Variants in RARA observed in about 807,000 individuals in gnomAD.
RARA encodes the protein retinoic acid receptor alpha.
In RARA, 5 loss-of-function variants were observed where a neutral mutation model predicts 42.8. The ratio of observed to expected loss-of-function variants is 0.12; its 90% confidence interval spans 0.06 to 0.25. RARA has a LOEUF of 0.25. Ranked by LOEUF, RARA falls within the 10% of genes least tolerant of loss-of-function variation. The pLI, the probability that RARA is intolerant of heterozygous loss-of-function variation, is 1.00. For missense variants in RARA, 402 were observed against 628.7 expected (o/e 0.64, Z 3.86); for synonymous variants, 256 against 259.5 (o/e 0.99, Z 0.13).
intron 1 of RARA, chr17:40,318,568 A>T (rs1035516815): frequency 8.6e-5 from 13 of 151,678 alleles, no homozygotes; most frequent in Admixed American, 8.5e-4. Context: ...TCCGACGGGA[A>T]CCCGGGGTTT....
At chr17:40,335,369 G>C (rs2033814301) in intron 2 of RARA, among the ~76,000 whole-genome samples, 1 of 152,188 alleles carries the variant, frequency 6.6e-6, no homozygotes, top group Admixed American at 6.5e-5. Context: ...GGGGGCTGTG[G>C]AGTAGGCATT....
intron 1 of RARA, among the ~76,000 whole-genome samples, chr17:40,312,691 G>A (rs765386158): frequency 1.3e-5 from 2 of 152,188 alleles, no homozygotes; most frequent in African/African-American, 4.8e-5. Flanking sequence ...GGCCGGGCTG[G>A]ACTGGGTGGA....
Position 40,355,143 on chromosome 17 carries a change from T to G in RARA, c.1013-120T>G. ...AGCAGAGACCCCATGCCCTGCCCTGTGTGGGGAGGCGCCTGCGAGCTGCCC... is the reference window on the plus strand; with the variant it reads ...AGCAGAGACCCCATGCCCTGCCCTGGGTGGGGAGGCGCCTGCGAGCTGCCC... On this transcript the variant is annotated intron_variant, in intron 7 of 8. Coordinates refer to ENST00000254066, the MANE Select transcript of RARA (RefSeq NM_000964.4). The surrounding 1 kb of genome is among the most constrained non-coding windows in gnomAD (Gnocchi z 4.1). The G allele has an allele frequency of 2.4e-6, 3 of 1,250,610 alleles. No homozygotes were observed. The highest frequency in any genetic ancestry group is 1.5e-5 in the South Asian group (1 of 65,628). 77.5% of individuals were successfully genotyped at this position (1,250,610 alleles called of 1,614,324 possible).
chr17:40,352,232 G>A lies in RARA; in HGVS notation c.631-99G>A. ...CTGCCTCTTCCCAAGGAGCTCCCAG[G>A]AAGTGAAGGCTGGGTAGAGGGCAGG... On this transcript the variant is annotated intron_variant, in intron 5 of 8. Coordinates refer to ENST00000254066, the MANE Select transcript of RARA (RefSeq NM_000964.4). This position sits in a 1 kb window ranked among gnomAD's most constrained non-coding sequence, Gnocchi z 4.9. The A allele has an allele frequency of 2.0e-6, 3 of 1,504,600 alleles. No homozygotes were observed. Among genetic ancestry groups the A allele is most frequent in the South Asian group, 1.4e-5 (1 of 73,832 alleles). The allele number at this position is 1,504,600 out of a possible 1,614,324, so 93.2% of individuals were successfully genotyped here.
At chr17:40,341,607 C>T (rs532579180) in intron 2 of RARA, 15 of 1,356,136 alleles carry the variant, frequency 1.1e-5, no homozygotes, top group Non-Finnish European at 1.4e-5. Flanking sequence ...GGTGATGTCA[C>T]GGGCAGCGGT....
At chr17:40,321,830 C>A (rs548274963) in intron 1 of RARA, among the ~76,000 whole-genome samples, 17 of 152,180 alleles carry the variant, frequency 1.1e-4, no homozygotes, top group Admixed American at 9.8e-4. Flanking sequence ...TCCACCCCCC[C>A]AACTGGATAT....
In RARA at chr17:40,355,931, C is replaced by A; in HGVS notation, c.1172-78C>A. 7.6e-7 allele frequency: 1 copy of A among 1,312,086 alleles called. No homozygotes were observed. Among genetic ancestry groups the A allele is most frequent in the Non-Finnish European group, 1.0e-6 (1 of 953,422 alleles). 81.3% of individuals were successfully genotyped at this position (1,312,086 alleles called of 1,614,324 possible). ...AATATCAGCAGTATTGATCTTCCCA[C>A]CTCGAGCCAGGCTTGCTGGGGCTGG... On this transcript the variant is annotated intron_variant, in intron 8 of 8. Coordinates refer to ENST00000254066, the MANE Select transcript of RARA (RefSeq NM_000964.4). The surrounding 1 kb of genome is among the most constrained non-coding windows in gnomAD (Gnocchi z 4.1).
chr17:40,334,978 C>T (rs939383333), intron 2 of RARA, among the ~76,000 whole-genome samples: 3 of 152,172 alleles, frequency 2.0e-5, no homozygotes, highest in African/African-American at 7.2e-5. Context: ...TAAACTGGCC[C>T]CTGGGGCTTG....
At chr17:40,322,490 A>G (rs2033418474) in intron 1 of RARA, among the ~76,000 whole-genome samples, 1 of 152,066 alleles carries the variant, frequency 6.6e-6, no homozygotes, top group Admixed American at 6.5e-5. Context: ...CCCCGCAGGC[A>G]GTGTCACCGT....
intron 2 of RARA, chr17:40,341,942 TC>T: frequency 1.8e-6 from 2 of 1,136,404 alleles, no homozygotes; most frequent in Non-Finnish European, 2.2e-6. Flanking sequence ...CTGGAGCCTT[TC>T]CCCCTTCCTG....
intron 2 of RARA, among the ~76,000 whole-genome samples, chr17:40,332,248 G>A (rs545206956): frequency 6.6e-6 from 1 of 152,094 alleles, no homozygotes; most frequent in East Asian, 1.9e-4. Flanking sequence ...GGCCAGGGCT[G>A]GGGGGAGGAG....
chr17:40,340,126 C>G (rs899062793), intron 2 of RARA, among the ~76,000 whole-genome samples: 27 of 152,060 alleles, frequency 1.8e-4, no homozygotes, highest in African/African-American at 6.5e-4. Context: ...CCCCCACCCC[C>G]CCACGTTATT....
chr17:40,341,292 G>A (rs2034025022), intron 2 of RARA: 1 of 1,371,132 alleles, frequency 7.3e-7, no homozygotes, highest in Admixed American at 3.6e-5. Flanking sequence ...TTTGCTCGCC[G>A]GAAGCACGCA....
At chr17:40,329,165 C>T (rs1339760155) in intron 1 of RARA, among the ~76,000 whole-genome samples, 1 of 151,240 alleles carries the variant, frequency 6.6e-6, no homozygotes, top group Non-Finnish European at 1.5e-5. Context: ...TGGAGTCTCA[C>T]TCTGTTGCCC....
intron 1 of RARA, among the ~76,000 whole-genome samples, chr17:40,329,300 TTGTG>T (rs2033628551): frequency 6.6e-6 from 1 of 151,748 alleles, no homozygotes; most frequent in African/African-American, 2.4e-5. Context: ...ACTTTTGTAT[TTGTG>T]TGTGTGTTTT....
chr17:40,342,302 A>G, intron 2 of RARA: 5 of 1,064,382 alleles, frequency 4.7e-6, no homozygotes, highest in Non-Finnish European at 5.7e-6. Flanking sequence ...GGCTGGGAGG[A>G]GGAAGTGCTC....
At chr17:40,338,303 C>T (rs983946690) in intron 2 of RARA, among the ~76,000 whole-genome samples, 6 of 152,186 alleles carry the variant, frequency 3.9e-5, no homozygotes, top group African/African-American at 1.4e-4. Flanking sequence ...TCTTCCTCCT[C>T]CTCCTCTGTG....
At chr17:40,319,894 G>C (rs1248626005) in intron 1 of RARA, among the ~76,000 whole-genome samples, 1 of 152,180 alleles carries the variant, frequency 6.6e-6, no homozygotes, top group Non-Finnish European at 1.5e-5. Flanking sequence ...GTTGTATGAT[G>C]CTTCTTCCTG....
chr17:40,341,896 T>G, intron 2 of RARA: 1 of 1,055,302 alleles, frequency 9.5e-7, no homozygotes, highest in Non-Finnish European at 1.2e-6. Flanking sequence ...CCTCTCCCTG[T>G]ACTCGGCGTC....
Sources: allele counts gnomAD v4.1 joint callset (sites outside exome capture counted in the v4.1 genomes callset), GRCh38; gene constraint gnomAD v4.1.1; non-coding constraint Gnocchi (gnomAD v3.1); transcripts MANE v1.5; gene names NCBI Gene and HGNC (gene_info 2026-07-23, HGNC 2026-07-21).